The following SLC12A1 variants were observed in gnomAD, a reference collection of about 807,000 sequenced individuals.
SLC12A1 encodes the protein Na-K-2Cl cotransporter.
A neutral mutation model predicts 130.4 loss-of-function variants in SLC12A1; 89 were observed. The observed-to-expected ratio is 0.68, with a 90% CI of 0.58 to 0.81. The LOEUF is 0.81. Ranked by LOEUF, SLC12A1 falls within the 40% of genes least tolerant of loss-of-function variation. The probability of loss-of-function intolerance (pLI) is 0.00; values close to 1 mark genes in which losing one functional copy is unlikely to be tolerated. For synonymous variants in SLC12A1, 499 were observed against 460.0 expected (o/e 1.08, Z -1.09); for missense variants, 1,310 against 1,336.4 (o/e 0.98, Z 0.31).
chr15:48,223,272 T>C (rs1322239268), intron 4 of SLC12A1: 1 of 152,216 alleles, frequency 6.6e-6, no homozygotes, highest in Non-Finnish European at 1.5e-5. Flanking sequence ...GTTAGGAAAC[T>C]GCAGAATCCT....
chr15:48,208,024 G>C lies in SLC12A1; in HGVS notation c.305G>C (p.Gly102Ala). The C allele has an allele frequency of 1.2e-6, 2 of 1,613,838 alleles. No individual in the cohort carries two copies. Among genetic ancestry groups the C allele is most frequent in the South Asian group, 1.1e-5 (1 of 91,070 alleles). ...HTNTYYLQTF[G>A]HNTMDAVPKI... ...AACACATACTATCTACAAACTTTTG[G>C]CCACAACACCATGGATGCCGTTCCC... The change falls in exon 2 of 27, where the codon GGC (glycine) becomes GCC (alanine). Residue 102 changes from glycine to alanine, a missense_variant. Gly to Ala is a moderately conservative substitution (Grantham distance 60, BLOSUM62 0). Transcript: ENST00000380993.
At chr15:48,274,466 A>T in intron 19 of SLC12A1, 105 bp from the exon 20 acceptor site, 1 of 750,668 alleles carries the variant, frequency 1.3e-6, no homozygotes, top group Non-Finnish European at 2.3e-6. Context: ...GTGGATTTTA[A>T]TAGTTTCATT....
At position 48,228,906 on chromosome 15, in the gene SLC12A1, A is replaced by AT. The variant is rs200460080; in HGVS notation, c.725-277dup. ...AATGATATTTTTATAAAGACAACGC[A>AT]TTTTTTGTAAATTTTGCTGTGTTCT... On this transcript the variant is annotated intron_variant, in intron 5 of 26. Transcript: ENST00000380993. The AT allele has an allele frequency of 1.2e-4, 32 of 267,282 alleles. No homozygotes were observed. The East Asian group carries it at 2.2e-3, about 18-fold the overall frequency. 16.6% of individuals were successfully genotyped at this position (267,282 alleles called of 1,614,324 possible).
At chr15:48,282,801 C>G (rs1202412792) in intron 20 of SLC12A1, among the ~76,000 whole-genome samples, 2 of 152,030 alleles carry the variant, frequency 1.3e-5, no homozygotes, top group Non-Finnish European at 2.9e-5. Flanking sequence ...TTAGGTTTAT[C>G]TGATGATAAA....
intron 2 of SLC12A1, among the ~76,000 whole-genome samples, chr15:48,216,003 C>T (rs1199679501): frequency 6.6e-6 from 1 of 152,092 alleles, no homozygotes; most frequent in East Asian, 1.9e-4. Flanking sequence ...GGCTTCTGTG[C>T]TTGTAAATTT....
At chr15:48,256,871 T>C (rs1413969377) in intron 16 of SLC12A1, among the ~76,000 whole-genome samples, 1 of 116,194 alleles carries the variant, frequency 8.6e-6, no homozygotes, top group Non-Finnish European at 1.6e-5. Flanking sequence ...TAATCATGCC[T>C]TCCCAACAGT....
At chr15:48,271,523 T>TATTGAGCAG (rs11281072) in intron 19 of SLC12A1, among the ~76,000 whole-genome samples, 52,337 of 151,708 alleles carry the variant, frequency 0.34, 12,137 homozygotes, top group African/African-American at 0.65. Context: ...TTTATCATTA[T>TATTGAGCAG]ATTTATGCAA....
chr15:48,230,818 C>T (rs2041366606), intron 7 of SLC12A1, among the ~76,000 whole-genome samples: 1 of 152,204 alleles, frequency 6.6e-6, no homozygotes, highest in Admixed American at 6.5e-5. Context: ...ATCACAAACC[C>T]TGGTTCCTCT....
chr15:48,275,016 G>A (rs761372910), intron 20 of SLC12A1, among the ~76,000 whole-genome samples: 7 of 152,112 alleles, frequency 4.6e-5, no homozygotes, highest in Non-Finnish European at 1.0e-4. Context: ...GGAAAAACAC[G>A]TATTTTGCTT....
rs767687166 is a variant in SLC12A1, at chr15:48,251,666, C to CTGTTT, written c.1842_1846dup (p.Cys616PhefsTer29). On this transcript the variant is annotated frameshift_variant, in exon 15 of 27. Coordinates refer to ENST00000380993, the MANE Select transcript of SLC12A1 (RefSeq NM_000338.3). LOFTEE classifies it high-confidence loss of function. ...AACATGTGGGTATCTCTTTTTGGAG[C>CTGTTT]TGTTTTGTGCTGTGCAGTCATGTTT... is the stretch of plus-strand genomic sequence containing the variant. 6.2e-7 allele frequency: 1 copy of CTGTTT among 1,613,396 alleles called. No homozygotes were observed. The highest frequency in any genetic ancestry group is 2.2e-5 in the East Asian group (1 of 44,882).
At chr15:48,226,612 C>T (rs36009154) in intron 5 of SLC12A1, 41 bp downstream of exon 5, 335 of 1,231,488 alleles carry the variant, frequency 2.7e-4, no homozygotes, top group Non-Finnish European at 3.0e-4. Context: ...TCACTTGCTA[C>T]GGGTAGGCGA....
intron 2 of SLC12A1, chr15:48,217,832 G>C (rs1161621381): frequency 6.6e-6 from 1 of 152,150 alleles, no homozygotes; most frequent in African/African-American, 2.4e-5. Context: ...TTTGAGATAG[G>C]GTCTCACTCT....
intron 17 of SLC12A1, among the ~76,000 whole-genome samples, chr15:48,260,999 T>C (rs908654385): frequency 2.0e-5 from 3 of 152,160 alleles, no homozygotes; most frequent in Non-Finnish European, 4.4e-5. Flanking sequence ...ACTTGTGAGA[T>C]TGACAGGTTA....
rs2042206528 is a variant in SLC12A1, at chr15:48,299,151, T to C, written c.2972T>C (p.Phe991Ser). 1 of 1,602,528 alleles carries C rather than the reference T, an allele frequency of 6.2e-7. No homozygotes were observed. Among genetic ancestry groups the C allele is most frequent in the East Asian group, 2.2e-5 (1 of 44,574 alleles). The change falls in exon 25 of 27, where the codon TTT (phenylalanine) becomes TCT (serine). Residue 991 changes from phenylalanine (F) to serine (S), a missense_variant. Transcript: ENST00000380993. ...IRPNKESWKVFEEMIEPYRLH... is the reference protein window; with the variant it reads ...IRPNKESWKVSEEMIEPYRLH... ...AATTCAAATTTTAGCTGGAAAGTCTTTGAAGAGATGATTGAACCATATCGT... is the reference window on the plus strand; with the variant it reads ...AATTCAAATTTTAGCTGGAAAGTCTCTGAAGAGATGATTGAACCATATCGT...
chr15:48,262,463 G>A (rs1412123527), intron 17 of SLC12A1, among the ~76,000 whole-genome samples: 1 of 151,908 alleles, frequency 6.6e-6, no homozygotes, highest in Non-Finnish European at 1.5e-5. Flanking sequence ...GAAATTAAGA[G>A]AGCTGTACTC....
rs1046222340 is a variant in SLC12A1, at chr15:48,226,635, A to G, written c.724+64A>G. The G allele has an allele frequency of 9.3e-6, 9 of 967,274 alleles. No homozygotes were observed. In the African/African-American group the frequency reaches 1.5e-4, roughly 16 times the overall value. 59.9% of individuals were successfully genotyped at this position (967,274 alleles called of 1,614,324 possible). ...TACGGGTAGGCGAACAATTTTTTAT[A>G]CTTCTTTTTGATGGGAACAAGGAAG... On this transcript the variant is annotated intron_variant, in intron 5 of 26. Coordinates refer to ENST00000380993, the MANE Select transcript of SLC12A1 (RefSeq NM_000338.3).
At chr15:48,230,166 T>C (rs562147229) in intron 6 of SLC12A1, among the ~76,000 whole-genome samples, 20 of 152,314 alleles carry the variant, frequency 1.3e-4, no homozygotes, top group Middle Eastern at 3.4e-3. Flanking sequence ...AAAGCTAGAA[T>C]GAATCTCTAA....
intron 6 of SLC12A1, among the ~76,000 whole-genome samples, chr15:48,229,779 G>A (rs1044285102): frequency 3.3e-5 from 5 of 152,218 alleles, no homozygotes; most frequent in African/African-American, 1.2e-4. Flanking sequence ...CCATTTCCTA[G>A]TTTAGGTGCC....
chr15:48,259,302 A>G lies in SLC12A1; in HGVS notation c.2145A>G (p.Glu715=), dbSNP rs757518087. 1.2e-6 allele frequency: 2 copies of G among 1,610,372 alleles called. No individual in the cohort carries two copies. The highest frequency in any genetic ancestry group is 2.2e-5 in the South Asian group (2 of 90,990). ...ACAGTGGCCTTTGCATCTGCTGTGA[A>G]GTCTTTGTGGTAAGAGCCACTTCAC... ...TKNSGLCICC[E]VFVGPRKLCV... The change falls in exon 17 of 27, where the codon GAA becomes GAG. Residue 715 remains glutamate (E), a synonymous_variant. Coordinates refer to ENST00000380993, the MANE Select transcript of SLC12A1 (RefSeq NM_000338.3).
Sources: allele counts gnomAD v4.1 joint callset (sites outside exome capture counted in the v4.1 genomes callset), GRCh38; gene constraint gnomAD v4.1.1; transcripts MANE v1.5; gene names NCBI Gene and HGNC (gene_info 2026-07-23, HGNC 2026-07-21).